The following IL19 variants were observed in gnomAD, a reference collection of about 807,000 sequenced individuals.
The protein encoded by IL19 is interleukin 19.
Under a neutral mutation model 19.5 loss-of-function variants are expected in IL19, and 15 were observed. The ratio of observed to expected loss-of-function variants is 0.77; its 90% CI spans 0.52 to 1.19. The LOEUF (loss-of-function observed/expected upper bound fraction) is 1.19, where lower values mean the gene tolerates loss of function less well. Ranked by LOEUF, IL19 falls within the 50% of genes most tolerant of loss-of-function variation. The pLI is 0.00. For missense variants in IL19, 199 were observed against 213.1 expected (o/e 0.93, Z 0.41); for synonymous variants, 78 against 78.3 (o/e 1.00, Z 0.02).
At chr1:206,791,301 G>GTT (rs11297961) in intron 1 of IL19, among the ~76,000 whole-genome samples, 33 of 131,728 alleles carry the variant, frequency 2.5e-4, no homozygotes, top group African/African-American at 6.4e-4. Context: ...AGGTCCTTAG[G>GTT]TTTTTTTTTT....
intron 1 of IL19, among the ~76,000 whole-genome samples, chr1:206,788,104 G>A (rs1396976229): frequency 1.3e-5 from 2 of 152,154 alleles, no homozygotes; most frequent in African/African-American, 2.4e-5. Context: ...TCATCTTCAC[G>A]ATCCCGGAGG....
intron 1 of IL19, among the ~76,000 whole-genome samples, chr1:206,781,597 T>A (rs1675132692): frequency 6.6e-6 from 1 of 151,656 alleles, no homozygotes; most frequent in Non-Finnish European, 1.5e-5. Context: ...CACAGCTGCA[T>A]CACACATGAA....
intron 1 of IL19, among the ~76,000 whole-genome samples, chr1:206,796,421 A>G (rs1039434591): frequency 6.6e-6 from 1 of 152,148 alleles, no homozygotes; most frequent in Non-Finnish European, 1.5e-5. Context: ...TCCATTCTTT[A>G]CGAGGCTGGT....
intron 2 of IL19, chr1:206,834,436 T>C (rs902853053): frequency 1.0e-6 from 1 of 985,596 alleles, no homozygotes; most frequent in Non-Finnish European, 1.2e-6. Context: ...GGGGCTCCTA[T>C]GCACCGCCAT....
At chr1:206,835,518 TG>T (rs1676759943) in intron 2 of IL19, among the ~76,000 whole-genome samples, 1 of 151,812 alleles carries the variant, frequency 6.6e-6, no homozygotes, top group African/African-American at 2.4e-5. Context: ...GCATGGGGAG[TG>T]GGGGCAGCTG....
rs559909087 is a variant in IL19, at chr1:206,827,495, C to G, written c.-2-9166C>G. ...CACGAGGTCAGGAGATCGAGACCAT[C>G]CTGGCTAACACAGTGAAACCCCGTC... On this transcript the variant is annotated intron_variant, in intron 2 of 6. Coordinates refer to ENST00000659997, the MANE Select transcript of IL19 (RefSeq NM_153758.5). 2.0e-5 allele frequency among the ~76,000 whole-genome samples: 3 copies of G among 152,210 alleles called. No homozygotes were observed. In the South Asian group the frequency reaches 6.2e-4, roughly 32 times the overall value.
At chr1:206,795,957 G>A (rs1317199063) in intron 1 of IL19, among the ~76,000 whole-genome samples, 1 of 151,412 alleles carries the variant, frequency 6.6e-6, no homozygotes, top group Non-Finnish European at 1.5e-5. Context: ...GTGTGTGTGT[G>A]TGTATGATTT....
intron 1 of IL19, among the ~76,000 whole-genome samples, chr1:206,776,035 G>GGAT (rs1488981795): frequency 6.6e-6 from 1 of 152,184 alleles, no homozygotes; most frequent in African/African-American, 2.4e-5. Flanking sequence ...TTCCAGTGGG[G>GGAT]GATGTACTGG....
chr1:206,837,798 G>T lies in IL19; in HGVS notation c.210+775G>T, dbSNP rs558806684. The stretch of plus-strand genomic sequence containing the variant: ...GCCTGGGAGGTCAAAGCTGCAGTGA[G>T]CCATGATTGTGTCAATGCACTCCAG... On this transcript the variant is annotated intron_variant, in intron 4 of 6. Transcript: ENST00000659997. 4.6e-5 allele frequency among the ~76,000 whole-genome samples: 7 copies of T among 152,298 alleles called. No individual in the cohort carries two copies. In the East Asian group the frequency reaches 9.6e-4, roughly 21 times the overall value.
chr1:206,827,541 T>A (rs1676467227), intron 2 of IL19, among the ~76,000 whole-genome samples: 1 of 151,808 alleles, frequency 6.6e-6, no homozygotes, highest in Non-Finnish European at 1.5e-5. Context: ...ATACAAAAAA[T>A]TAGCCAGGCG....
intron 2 of IL19, among the ~76,000 whole-genome samples, chr1:206,808,417 C>T (rs1335179594): frequency 2.0e-5 from 3 of 151,970 alleles, no homozygotes; most frequent in South Asian, 2.1e-4. Flanking sequence ...TAGAATTAAC[C>T]GTGCATGTAG....
intron 1 of IL19, among the ~76,000 whole-genome samples, chr1:206,773,141 T>C (rs1019576906): frequency 6.6e-6 from 1 of 152,186 alleles, no homozygotes; most frequent in Non-Finnish European, 1.5e-5. Flanking sequence ...TTTCCACCTC[T>C]TCAGCTGTCC....
At chr1:206,810,236 T>A (rs1246270024) in intron 2 of IL19, among the ~76,000 whole-genome samples, 1 of 152,190 alleles carries the variant, frequency 6.6e-6, no homozygotes, top group Non-Finnish European at 1.5e-5. Flanking sequence ...TTGGGGGTAT[T>A]TATGAGACAT....
At chr1:206,818,588 G>A (rs1676219644) in intron 2 of IL19, among the ~76,000 whole-genome samples, 1 of 152,152 alleles carries the variant, frequency 6.6e-6, no homozygotes, top group Admixed American at 6.5e-5. Flanking sequence ...AAATAGAGCA[G>A]GAGAAACTGC....
Position 206,841,094 on chromosome 1 carries a change from A to G in IL19, c.438+16A>G. On this transcript the variant is annotated intron_variant, in intron 6 of 6. Coordinates refer to ENST00000659997, the MANE Select transcript of IL19 (RefSeq NM_153758.5). ...CTATGATCAGGTAAGATCTGGGAAG[A>G]GGTTGGGGAAGATGGAAGATGAGAG... The G allele has an allele frequency of 2.5e-6, 4 of 1,607,668 alleles. No homozygotes were observed. The highest frequency in any genetic ancestry group is 3.4e-6 in the Non-Finnish European group (4 of 1,174,082).
chr1:206,801,081 T>C (rs1006152134), intron 2 of IL19, among the ~76,000 whole-genome samples: 4 of 151,978 alleles, frequency 2.6e-5, no homozygotes, highest in African/African-American at 9.7e-5. Context: ...CTGGATCTTC[T>C]AACTTTCACT....
chr1:206,804,995 A>G (rs4347211), intron 2 of IL19, among the ~76,000 whole-genome samples: 43,195 of 152,024 alleles, frequency 0.28, 6,257 homozygotes, highest in African/African-American at 0.3. Context: ...TCCTCTGTGG[A>G]CACTGTTCTG....
At chr1:206,839,456 T>G (rs988646226) in intron 4 of IL19, among the ~76,000 whole-genome samples, 2 of 152,086 alleles carry the variant, frequency 1.3e-5, no homozygotes, top group African/African-American at 4.8e-5. Flanking sequence ...GCCCCTGTAG[T>G]GTAGGGAAGT....
chr1:206,780,804 T>C (rs566458412), intron 1 of IL19, among the ~76,000 whole-genome samples: 53 of 152,334 alleles, frequency 3.5e-4, no homozygotes, highest in African/African-American at 1.2e-3. Flanking sequence ...CTGGGTTCTC[T>C]GGGCCTGCAG....
Sources: allele counts gnomAD v4.1 joint callset (sites outside exome capture counted in the v4.1 genomes callset), GRCh38; gene constraint gnomAD v4.1.1; transcripts MANE v1.5; gene names NCBI Gene and HGNC (gene_info 2026-07-23, HGNC 2026-07-21).